Variants in ST3GAL5 observed in about 807,000 individuals in gnomAD.
The protein encoded by ST3GAL5 is lactosylceramide alpha-2,3-sialyltransferase.
ST3GAL5 carries 25 observed loss-of-function variants against 46.1 expected under a neutral mutation model. That is an observed-to-expected ratio of 0.54 (90% CI 0.40 to 0.76). The LOEUF (loss-of-function observed/expected upper bound fraction) is 0.76, where lower values mean the gene tolerates loss of function less well. Among genes scored for constraint, ST3GAL5 ranks in the 30% least tolerant of loss-of-function variants. ST3GAL5 has a pLI of 0.00. For synonymous variants in ST3GAL5, 182 were observed against 192.7 expected (o/e 0.94, Z 0.46); for missense variants, 431 against 521.2 (o/e 0.83, Z 1.69).
At chr2:85,848,417 A>T in intron 3 of ST3GAL5, 1 of 1,526,076 alleles carries the variant, frequency 6.6e-7, no homozygotes, top group South Asian at 1.2e-5. Flanking sequence ...TAAACACAGC[A>T]GGGTATTCAT....
intron 3 of ST3GAL5, chr2:85,851,818 G>T: frequency 1.2e-6 from 1 of 804,684 alleles, no homozygotes; most frequent in Non-Finnish European, 1.8e-6. Context: ...GAGGCTCACT[G>T]GAAGCCAGGA....
chr2:85,860,846 G>A, intron 3 of ST3GAL5: 2 of 289,254 alleles, frequency 6.9e-6, no homozygotes, highest in Middle Eastern at 1.2e-3. Flanking sequence ...AAAAAAAAAA[G>A]GGAGAAAAGA....
chr2:85,887,235 C>T (rs1687861310), intron 1 of ST3GAL5, among the ~76,000 whole-genome samples: 1 of 152,170 alleles, frequency 6.6e-6, no homozygotes, highest in Non-Finnish European at 1.5e-5. Context: ...TCTTATTCTG[C>T]CACGGATATA....
Position 85,861,172 on chromosome 2 carries a change from A to T in ST3GAL5, c.318+9T>A. 1 of 1,528,234 alleles carries T rather than the reference A, an allele frequency of 6.5e-7. No individual in the cohort carries two copies. Among genetic ancestry groups the T allele is most frequent in the Non-Finnish European group, 9.1e-7 (1 of 1,102,582 alleles). The allele number at this position is 1,528,234 out of a possible 1,614,324, so 94.7% of individuals were successfully genotyped here. On this transcript the variant is annotated intron_variant, in intron 3 of 6. Transcript: ENST00000638572. ...TTTTCATTTAAACCACACCAATGGGATATCTAACCTTTACATGGTCAGGGT... is the reference window on the plus strand; with the variant it reads ...TTTTCATTTAAACCACACCAATGGGTTATCTAACCTTTACATGGTCAGGGT...
intron 1 of ST3GAL5, chr2:85,888,261 T>C (rs2104277431): frequency 6.6e-6 from 1 of 152,308 alleles, no homozygotes; most frequent in South Asian, 2.1e-4. Flanking sequence ...CACACCCGCG[T>C]CAAGCCACGG....
At position 85,863,436 on chromosome 2, in the gene ST3GAL5, C is replaced by T. The variant is rs1203830990; in HGVS notation, c.132G>A (p.Arg44=). ...CTCGGGTGTACCATTGCAGGGAAGG[C>T]CTCGAGCAATCACTTCTCAGTTTCA... ...TYVKLRSDCS[R]PSLQWYTRAQ... The change falls in exon 2 of 7, where the codon AGG becomes AGA. Residue 44 remains arginine, a synonymous_variant. Transcript: ENST00000638572. The T allele has an allele frequency of 6.2e-6, 10 of 1,614,170 alleles. No homozygotes were observed. The South Asian group carries it at 9.9e-5, about 16-fold the overall frequency.
chr2:85,851,429 T>C, intron 3 of ST3GAL5: 1 of 1,209,314 alleles, frequency 8.3e-7, no homozygotes, highest in Non-Finnish European at 1.1e-6. Context: ...GACAGGGCTT[T>C]TTCTGTAGAG....
Position 85,840,295 on chromosome 2 carries a change from C to T in ST3GAL5, c.1106G>A (p.Arg369Lys). The change falls in exon 7 of 7, where the codon AGA becomes AAA. Residue 369 changes from arginine (R) to lysine (K), a missense_variant. Physicochemically the swap from Arg to Lys is conservative, Grantham distance 26. Coordinates refer to ENST00000638572, the MANE Select transcript of ST3GAL5 (RefSeq NM_003896.4). ...AGFGYDLNQP[R>K]TPLHYFDSQC... ...ACTGTCGAAGTAGTGCAAAGGTGTT[C>T]TGGGTTGATTGAGGTCATATCCAAA... is the stretch of plus-strand genomic sequence containing the variant. The T allele has an allele frequency of 6.2e-7, 1 of 1,614,110 alleles. No individual in the cohort carries two copies. Among genetic ancestry groups the T allele is most frequent in the Non-Finnish European group, 8.5e-7 (1 of 1,179,978 alleles).
At chr2:85,851,811 G>A (rs998122828) in intron 3 of ST3GAL5, 7 of 919,952 alleles carry the variant, frequency 7.6e-6, no homozygotes, top group African/African-American at 3.5e-5. Context: ...TCCAGATGAG[G>A]CTCACTGGAA....
At position 85,839,806 on chromosome 2, in the gene ST3GAL5, T is replaced by G; in HGVS notation, c.*338A>C. 2.8e-6 allele frequency: 1 copy of G among 355,620 alleles called. No homozygotes were observed. Among genetic ancestry groups the G allele is most frequent in the Non-Finnish European group, 5.4e-6 (1 of 184,818 alleles). 22.0% of individuals were successfully genotyped at this position (355,620 alleles called of 1,614,324 possible). ...TCCCCTCTCCTTCCAATTAGTTACC[T>G]GTATTCAATGTGCAGTGTAAACGAG... On this transcript the variant is annotated 3_prime_UTR_variant, in exon 7 of 7. Coordinates refer to ENST00000638572, the MANE Select transcript of ST3GAL5 (RefSeq NM_003896.4).
chr2:85,846,661 T>C, intron 4 of ST3GAL5, 98 bp from the exon 5 acceptor site: 1 of 1,206,276 alleles, frequency 8.3e-7, no homozygotes, highest in South Asian at 1.3e-5. Flanking sequence ...CACGTCTTCT[T>C]ATGACTAAGA....
intron 1 of ST3GAL5, among the ~76,000 whole-genome samples, chr2:85,871,371 T>C (rs910655040): frequency 2.6e-5 from 4 of 152,242 alleles, no homozygotes; most frequent in Admixed American, 2.6e-4. Context: ...CTAGAACTTA[T>C]TTCTGTATTT....
chr2:85,880,083 T>C lies in ST3GAL5; in HGVS notation c.82+8741A>G, dbSNP rs1032883892. 2.0e-5 allele frequency among the ~76,000 whole-genome samples: 3 copies of C among 152,270 alleles called. No homozygotes were observed. The East Asian group carries it at 5.8e-4, about 29-fold the overall frequency. On this transcript the variant is annotated intron_variant, in intron 1 of 6. Transcript: ENST00000638572. Reference sequence around the variant, plus strand: ...CCATGGTATTCAGTAATCCTGTATGTCTTATAGGAACAGAAGAACCAGAGG... The same window carrying C: ...CCATGGTATTCAGTAATCCTGTATGCCTTATAGGAACAGAAGAACCAGAGG...
intron 1 of ST3GAL5, among the ~76,000 whole-genome samples, chr2:85,864,885 G>A (rs1321634722): frequency 6.6e-6 from 1 of 152,172 alleles, no homozygotes; most frequent in African/African-American, 2.4e-5. Context: ...AATGGGATAT[G>A]AGCAGAAGCA....
chr2:85,847,737 G>A, intron 4 of ST3GAL5, 124 bp downstream of exon 4: 1 of 1,400,424 alleles, frequency 7.1e-7, no homozygotes, highest in Admixed American at 2.3e-5. Flanking sequence ...TGAGGCTGCA[G>A]TGAGCTGAGA....
chr2:85,870,452 G>C (rs1161639862), intron 1 of ST3GAL5, among the ~76,000 whole-genome samples: 2 of 152,028 alleles, frequency 1.3e-5, no homozygotes, highest in African/African-American at 2.4e-5. Flanking sequence ...CATCTCCTAA[G>C]AGTTAGGATC....
intron 1 of ST3GAL5, among the ~76,000 whole-genome samples, chr2:85,876,991 C>T (rs1189512005): frequency 2.6e-5 from 4 of 152,148 alleles, no homozygotes. Context: ...AAAGAATTTC[C>T]ATCTGCCCTT....
At chr2:85,862,674 G>T (rs543220053) in intron 2 of ST3GAL5, among the ~76,000 whole-genome samples, 17 of 152,260 alleles carry the variant, frequency 1.1e-4, no homozygotes, top group Admixed American at 9.8e-4. Flanking sequence ...TCATGAACGT[G>T]GTGGGCCTCA....
intron 3 of ST3GAL5, chr2:85,851,476 CAGG>C (rs1683498044): frequency 2.4e-6 from 3 of 1,269,372 alleles, no homozygotes; most frequent in Non-Finnish European, 2.0e-6. Context: ...CCACTCAGAA[CAGG>C]AGGACCACAT....
Sources: allele counts gnomAD v4.1 joint callset (sites outside exome capture counted in the v4.1 genomes callset), GRCh38; gene constraint gnomAD v4.1.1; transcripts MANE v1.5; gene names NCBI Gene and HGNC (gene_info 2026-07-23, HGNC 2026-07-21).